Variants in TSHZ2 observed in about 807,000 individuals in gnomAD.
The protein encoded by TSHZ2 is teashirt homolog 2.
In TSHZ2, 21 loss-of-function variants were observed where a neutral mutation model predicts 74.4. The ratio of observed to expected loss-of-function variants is 0.28; its 90% CI spans 0.20 to 0.41. TSHZ2 has a LOEUF of 0.41. Ranked by LOEUF, TSHZ2 falls within the 10% of genes least tolerant of loss-of-function variation. The probability of loss-of-function intolerance (pLI) is 1.00; values close to 1 mark genes in which losing one functional copy is unlikely to be tolerated. For missense variants in TSHZ2, 1,244 were observed against 1,293.5 expected (o/e 0.96, Z 0.59); for synonymous variants, 540 against 515.3 (o/e 1.05, Z -0.65).
intron 1 of TSHZ2, among the ~76,000 whole-genome samples, chr20:53,128,956 C>T (rs1377116563): frequency 6.6e-6 from 1 of 152,034 alleles, no homozygotes; most frequent in East Asian, 1.9e-4. Flanking sequence ...GGAGAAAGTC[C>T]AAATTCATAA....
chr20:53,020,837 T>G (rs1259674034), intron 1 of TSHZ2, among the ~76,000 whole-genome samples: 1 of 152,196 alleles, frequency 6.6e-6, no homozygotes, highest in Non-Finnish European at 1.5e-5. Context: ...ATCTCCACAG[T>G]CTTCCAATTA....
chr20:53,158,780 G>T (rs1305342727), intron 1 of TSHZ2, among the ~76,000 whole-genome samples: 2 of 151,934 alleles, frequency 1.3e-5, no homozygotes, highest in African/African-American at 4.8e-5. Context: ...CATCACCACC[G>T]CCTGTTCCAG....
chr20:53,254,328 G>A lies in TSHZ2; in HGVS notation c.870G>A (p.Leu290=). Residue 290 remains leucine, a synonymous_variant, in exon 2 of 3, where the codon TTG becomes TTA. Coordinates refer to ENST00000371497, the MANE Select transcript of TSHZ2 (RefSeq NM_173485.6). ...CGDSFDSLQD[L]SVHMIKTKHY... ...ACTCCTTTGATTCCCTCCAAGATTTGAGCGTCCACATGATTAAAACAAAAC... is the reference window on the plus strand; with the variant it reads ...ACTCCTTTGATTCCCTCCAAGATTTAAGCGTCCACATGATTAAAACAAAAC... 1 of 1,614,092 alleles carries A rather than the reference G, an allele frequency of 6.2e-7. No individual in the cohort carries two copies. Among genetic ancestry groups the A allele is most frequent in the Non-Finnish European group, 8.5e-7 (1 of 1,180,004 alleles).
intron 2 of TSHZ2, among the ~76,000 whole-genome samples, chr20:53,285,728 A>AAAAGAAAG (rs751891787): frequency 2.0e-5 from 3 of 151,480 alleles, no homozygotes; most frequent in African/African-American, 7.3e-5. Flanking sequence ...AGAGAAAAAA[A>AAAAGAAAG]AAAGAAAGAA....
chr20:53,044,482 A>G (rs1195653706), intron 1 of TSHZ2, among the ~76,000 whole-genome samples: 1 of 151,998 alleles, frequency 6.6e-6, no homozygotes, highest in Non-Finnish European at 1.5e-5. Context: ...GGTCCTTGTG[A>G]CACCAGTAGC....
At chr20:53,047,892 C>T (rs939041937) in intron 1 of TSHZ2, among the ~76,000 whole-genome samples, 14 of 152,112 alleles carry the variant, frequency 9.2e-5, no homozygotes, top group Non-Finnish European at 1.6e-4. Flanking sequence ...CATAGATTTT[C>T]GCTGACTCTG....
intron 2 of TSHZ2, among the ~76,000 whole-genome samples, chr20:53,287,217 C>T (rs1005111749): frequency 2.6e-5 from 4 of 152,068 alleles, no homozygotes; most frequent in African/African-American, 9.7e-5. Flanking sequence ...AATAATGATA[C>T]GAGCTTATAT....
In TSHZ2 at chr20:53,256,643, G is replaced by C; in HGVS notation, c.*8+72G>C. 1 of 1,490,486 alleles carries C rather than the reference G, an allele frequency of 6.7e-7. No individual in the cohort carries two copies. The highest frequency in any genetic ancestry group is 8.9e-7 in the Non-Finnish European group (1 of 1,119,286). The allele number at this position is 1,490,486 out of a possible 1,614,324, so 92.3% of individuals were successfully genotyped here. The stretch of plus-strand genomic sequence containing the variant: ...TCTTACAGGGAGATGGGTCTGCTTA[G>C]AGGCAGCTAGCATCTCCCAATGCCA... On this transcript the variant is annotated intron_variant, in intron 2 of 2. Coordinates refer to ENST00000371497, the MANE Select transcript of TSHZ2 (RefSeq NM_173485.6). This position sits in a 1 kb window ranked among gnomAD's most constrained non-coding sequence, Gnocchi z 4.3.
chr20:53,128,420 TTTG>T lies in TSHZ2; in HGVS notation c.41-125067_41-125065del, dbSNP rs140676816. ...TTCACTGGGGCCAGTGAATTTGGTG[TTTG>T]TTGTTGTTGTTTCTTGGTTTTTGTT... is the stretch of plus-strand genomic sequence containing the variant. On this transcript the variant is annotated intron_variant, in intron 1 of 2. Coordinates refer to ENST00000371497, the MANE Select transcript of TSHZ2 (RefSeq NM_173485.6). Among the ~76,000 whole-genome samples the T allele has an allele frequency of 3.5e-3, 535 of 152,256 alleles. 5 individuals are homozygous for T. Among genetic ancestry groups the T allele is most frequent in the Non-Finnish European group, 2.8e-3 (189 of 68,014 alleles).
intron 2 of TSHZ2, among the ~76,000 whole-genome samples, chr20:53,462,186 G>C (rs191709378): frequency 6.6e-6 from 1 of 152,130 alleles, no homozygotes; most frequent in East Asian, 1.9e-4. Flanking sequence ...CCTGGGAGGC[G>C]GAGGTTGCAG....
intron 2 of TSHZ2, among the ~76,000 whole-genome samples, chr20:53,449,724 G>T (rs1568922943): frequency 1.9e-4 from 29 of 151,480 alleles, no homozygotes; most frequent in Non-Finnish European, 2.9e-5. Flanking sequence ...GCCTCCATCA[G>T]TTAATTAATT....
intron 1 of TSHZ2, among the ~76,000 whole-genome samples, chr20:53,051,044 A>G (rs560207583): frequency 3.9e-5 from 6 of 152,330 alleles, no homozygotes; most frequent in Admixed American, 1.3e-4. Flanking sequence ...TCCTTATTCA[A>G]GAAGCATATT....
chr20:53,123,639 A>G (rs1293425), intron 1 of TSHZ2, among the ~76,000 whole-genome samples: 20,376 of 152,184 alleles, frequency 0.13, 1,762 homozygotes, highest in African/African-American at 0.24. Flanking sequence ...AGTAGACAAC[A>G]TGGCACAGTC....
intron 1 of TSHZ2, among the ~76,000 whole-genome samples, chr20:53,167,680 T>C (rs1406320702): frequency 6.6e-6 from 1 of 152,190 alleles, no homozygotes; most frequent in African/African-American, 2.4e-5. Flanking sequence ...TCTTAAACAT[T>C]GCAATCTCAA....
intron 1 of TSHZ2, among the ~76,000 whole-genome samples, chr20:53,168,286 G>A (rs1988109081): frequency 6.6e-6 from 1 of 152,166 alleles, no homozygotes; most frequent in Non-Finnish European, 1.5e-5. Flanking sequence ...ACCCCAGGCT[G>A]TGACAGACAA....
At chr20:53,059,838 C>A (rs1600670243) in intron 1 of TSHZ2, among the ~76,000 whole-genome samples, 1 of 152,234 alleles carries the variant, frequency 6.6e-6, no homozygotes. Context: ...GAATTTAACA[C>A]TAACACTTCA....
intron 1 of TSHZ2, among the ~76,000 whole-genome samples, chr20:53,048,642 G>A (rs1984317277): frequency 6.6e-6 from 1 of 152,194 alleles, no homozygotes; most frequent in South Asian, 2.1e-4. Flanking sequence ...CCTCTCCATA[G>A]AGAGCCCCAC....
intron 1 of TSHZ2, among the ~76,000 whole-genome samples, chr20:53,003,410 T>G (rs1041005948): frequency 3.3e-5 from 5 of 152,148 alleles, no homozygotes; most frequent in African/African-American, 9.7e-5. Flanking sequence ...GTGGCCCTTC[T>G]TTTTACTCCT....
intron 2 of TSHZ2, among the ~76,000 whole-genome samples, chr20:53,271,095 G>A (rs1176844492): frequency 6.6e-6 from 1 of 152,214 alleles, no homozygotes; most frequent in African/African-American, 2.4e-5. Context: ...AAAATGCGAG[G>A]CCTTTGTAAG....
Sources: allele counts gnomAD v4.1 joint callset (sites outside exome capture counted in the v4.1 genomes callset), GRCh38; gene constraint gnomAD v4.1.1; non-coding constraint Gnocchi (gnomAD v3.1); transcripts MANE v1.5; gene names NCBI Gene and HGNC (gene_info 2026-07-23, HGNC 2026-07-21).